ASIC2: variants seen among roughly 807,000 people sequenced by gnomAD.
ASIC2 encodes acid sensing ion channel subunit 2, also known as acid-sensing ion channel 2.
A neutral mutation model predicts 57.3 loss-of-function variants in ASIC2; 25 were observed. That is an observed-to-expected ratio of 0.44 (90% CI 0.32 to 0.61). The LOEUF (loss-of-function observed/expected upper bound fraction) is 0.61. ASIC2 is among the 20% of genes least tolerant of loss of function. The pLI is 0.06. For synonymous variants in ASIC2, 319 were observed against 307.5 expected (o/e 1.04, Z -0.39); for missense variants, 641 against 738.1 (o/e 0.87, Z 1.52).
chr17:33,177,540 C>T (rs1905808532), intron 1 of ASIC2, among the ~76,000 whole-genome samples: 1 of 152,112 alleles, frequency 6.6e-6, no homozygotes, highest in African/African-American at 2.4e-5. Context: ...GGTGCCCCAG[C>T]TTCATTCAGG....
In ASIC2 at chr17:33,292,823, C is replaced by T. The variant is rs1905554869; in HGVS notation, c.-708G>A. Reference sequence around the variant, plus strand: ...TCCCTGGGCTGCGCTCGGCAGAGACCTGCTTAGGCTTCCCCAAGTCCTGCG... The same window carrying T: ...TCCCTGGGCTGCGCTCGGCAGAGACTTGCTTAGGCTTCCCCAAGTCCTGCG... On this transcript the variant is annotated 5_prime_UTR_variant, in exon 1 of 10. Transcript: ENST00000225823. 1 of 985,534 alleles carries T rather than the reference C, an allele frequency of 1.0e-6. No individual in the cohort carries two copies. The highest frequency in any genetic ancestry group is 1.2e-6 in the Non-Finnish European group (1 of 830,094). 61.0% of individuals were successfully genotyped at this position (985,534 alleles called of 1,614,324 possible). A position where few individuals can be genotyped will look rare whatever the true frequency, so the allele number is the denominator to read the frequency against.
At chr17:34,116,644 T>G (rs1235749670) in intron 1 of ASIC2, among the ~76,000 whole-genome samples, 2 of 152,104 alleles carry the variant, frequency 1.3e-5, no homozygotes, top group African/African-American at 2.4e-5. Flanking sequence ...CTGCTCTCTC[T>G]CTCCCTAGAC....
chr17:33,730,950 C>A (rs1432256232), intron 1 of ASIC2, among the ~76,000 whole-genome samples: 1 of 152,152 alleles, frequency 6.6e-6, no homozygotes, highest in Admixed American at 6.5e-5. Context: ...GCAATGAGGG[C>A]AGGTTCCTGG....
At chr17:33,803,988 G>A (rs1301526974) in intron 1 of ASIC2, among the ~76,000 whole-genome samples, 1 of 152,182 alleles carries the variant, frequency 6.6e-6, no homozygotes, top group Admixed American at 6.5e-5. Context: ...TTGTGTGCAA[G>A]TGATTTTTGT....
At chr17:33,799,790 C>T (rs542798181) in intron 1 of ASIC2, among the ~76,000 whole-genome samples, 1 of 152,100 alleles carries the variant, frequency 6.6e-6, no homozygotes, top group African/African-American at 2.4e-5. Flanking sequence ...GTGTAACGAA[C>T]AACCCAAGAG....
intron 2 of ASIC2, among the ~76,000 whole-genome samples, chr17:33,098,336 G>A (rs1005641721): frequency 1.3e-5 from 2 of 151,752 alleles, no homozygotes; most frequent in Non-Finnish European, 2.9e-5. Context: ...TGTGTATCTT[G>A]TCCTTCCTCT....
At chr17:33,193,661 A>G (rs560802180) in intron 1 of ASIC2, among the ~76,000 whole-genome samples, 5 of 152,078 alleles carry the variant, frequency 3.3e-5, no homozygotes, top group Admixed American at 2.0e-4. Context: ...TATTGGGACA[A>G]CTCTGAGATC....
rs1391039484 is a variant in ASIC2, at chr17:33,357,573, CG to C, written c.556-245507del. Among the ~76,000 whole-genome samples the C allele has an allele frequency of 5.3e-5, 8 of 152,202 alleles. No individual in the cohort carries two copies. In the East Asian group the frequency reaches 9.7e-4, roughly 18 times the overall value. ...TGCCTTCTTTCTAGTCGGGTAAGGA[CG>C]TGTTACCAATCTCTCTCCTTTGGAA... On this transcript the variant is annotated intron_variant, in intron 1 of 9. Coordinates refer to the ASIC2 transcript ENST00000359872.
At chr17:33,506,790 T>A (rs1308030771) in intron 1 of ASIC2, among the ~76,000 whole-genome samples, 1 of 152,088 alleles carries the variant, frequency 6.6e-6, no homozygotes, top group Admixed American at 6.5e-5. Context: ...TGTCTCTGAG[T>A]CAATGTAAAT....
At chr17:33,046,706 G>A (rs372167186) in intron 3 of ASIC2, among the ~76,000 whole-genome samples, 1 of 152,254 alleles carries the variant, frequency 6.6e-6, no homozygotes, top group African/African-American at 2.4e-5. Flanking sequence ...AAAAAAGGAA[G>A]GGGATGTCTG....
chr17:33,420,898 C>A (rs1911021513), intron 1 of ASIC2, among the ~76,000 whole-genome samples: 1 of 152,180 alleles, frequency 6.6e-6, no homozygotes, highest in South Asian at 2.1e-4. Flanking sequence ...GAGAGTTTAA[C>A]ATAAACCTTA....
chr17:33,730,469 A>G (rs960340683), intron 1 of ASIC2, among the ~76,000 whole-genome samples: 1 of 152,252 alleles, frequency 6.6e-6, no homozygotes, highest in African/African-American at 2.4e-5. Flanking sequence ...AACCTGGCTC[A>G]TACAACTCAT....
chr17:33,293,234 C>G lies in ASIC2; in HGVS notation c.-1119G>C, dbSNP rs779305406. The stretch of plus-strand genomic sequence containing the variant: ...CCCAGGCGAACTTGGGCAGCGGCCG[C>G]GCGACGCTGGCGCGGCTGGGCTCCG... On this transcript the variant is annotated 5_prime_UTR_variant, in exon 1 of 10. Coordinates refer to ENST00000225823, the MANE Select transcript of ASIC2 (RefSeq NM_183377.2). Among the ~76,000 whole-genome samples, 17 of 152,030 alleles carry G rather than the reference C, an allele frequency of 1.1e-4. No homozygotes were observed. Among genetic ancestry groups the G allele is most frequent in the Non-Finnish European group, 2.1e-4 (14 of 67,970 alleles).
At chr17:33,260,254 C>T (rs1909229716) in intron 1 of ASIC2, among the ~76,000 whole-genome samples, 1 of 152,150 alleles carries the variant, frequency 6.6e-6, no homozygotes, top group East Asian at 1.9e-4. Flanking sequence ...TCCACTGGGC[C>T]ACACTGCCCA....
chr17:33,961,059 T>C (rs1402616950), intron 1 of ASIC2, among the ~76,000 whole-genome samples: 2 of 152,154 alleles, frequency 1.3e-5, no homozygotes, highest in African/African-American at 4.8e-5. Flanking sequence ...AGGCATGAGA[T>C]GATCAACGCC....
intron 1 of ASIC2, among the ~76,000 whole-genome samples, chr17:34,124,805 T>C (rs1911729560): frequency 6.6e-6 from 1 of 151,992 alleles, no homozygotes; most frequent in Non-Finnish European, 1.5e-5. Context: ...AATGCCGTCA[T>C]GGGGTCTCCA....
chr17:33,630,219 A>G (rs1009835024), intron 1 of ASIC2, among the ~76,000 whole-genome samples: 1 of 152,074 alleles, frequency 6.6e-6, no homozygotes, highest in South Asian at 2.1e-4. Flanking sequence ...CAGCTTCTTC[A>G]TCTATCAGTT....
At chr17:33,339,519 G>T (rs1907647066) in intron 1 of ASIC2, among the ~76,000 whole-genome samples, 1 of 152,154 alleles carries the variant, frequency 6.6e-6, no homozygotes, top group Non-Finnish European at 1.5e-5. Flanking sequence ...ATTTCACTCA[G>T]GGAATTTTGT....
chr17:34,127,142 AG>A (rs1272619138), intron 1 of ASIC2, among the ~76,000 whole-genome samples: 8 of 152,118 alleles, frequency 5.3e-5, no homozygotes, highest in Non-Finnish European at 2.9e-5. Context: ...CTTCAGTAAG[AG>A]GGGGTTTGTT....
Sources: allele counts gnomAD v4.1 joint callset (sites outside exome capture counted in the v4.1 genomes callset), GRCh38; gene constraint gnomAD v4.1.1; transcripts MANE v1.5; gene names NCBI Gene and HGNC (gene_info 2026-07-23, HGNC 2026-07-21).